ZNF723: variants seen among roughly 807,000 people sequenced by gnomAD.
ZNF723 encodes the protein zinc finger protein 723, pseudogene.
In ZNF723, 5 loss-of-function variants were observed where a neutral mutation model predicts 9.4. The observed-to-expected ratio is 0.53, with a 90% CI of 0.28 to 1.12. ZNF723 has a LOEUF of 1.12. Ranked by LOEUF, ZNF723 falls within the 50% of genes most tolerant of loss-of-function variation. The pLI is 0.10. For missense variants in ZNF723, 450 were observed against 501.5 expected, an observed-to-expected ratio of 0.90 and a Z score of 0.98; for synonymous variants, 158 against 168.8, an observed-to-expected ratio of 0.94 and a Z score of 0.49.
intron 1 of ZNF723, among the ~76,000 whole-genome samples, chr19:22,834,983 G>A (rs1269720633): frequency 1.3e-5 from 2 of 152,052 alleles, no homozygotes; most frequent in East Asian, 3.9e-4. Flanking sequence ...AGCAGGGTGG[G>A]GTGGGAGAAT....
chr19:22,857,241 G>A lies in ZNF723; in HGVS notation c.350G>A (p.Cys117Tyr), dbSNP rs1355965965. ...GACAATTTACAATTAAGAAAAGGCT[G>A]TGAAAGTGTGGATGAGTGTAAGATG... ...GHDNLQLRKG[C>Y]ESVDECKMHK... is the part of the protein sequence containing the mutation. Residue 117 changes from cysteine (C) to tyrosine (Y), a missense_variant, in exon 4 of 4, where the codon TGT becomes TAT. Cys to Tyr is a radical substitution (Grantham distance 194). Around this residue, in one of 5 missense-constraint regions of ZNF723, gnomAD observed 143 missense variants for 101.3 expected, o/e 1.41. Transcript: ENST00000600766. The A allele has an allele frequency of 5.8e-6, 5 of 861,020 alleles. No homozygotes were observed. The highest frequency in any genetic ancestry group is 9.9e-6 in the Non-Finnish European group (5 of 506,100). 53.3% of individuals were successfully genotyped at this position (861,020 alleles called of 1,614,324 possible).
rs1967491378 is a variant in ZNF723 at position 22,857,227 on chromosome 19, A to G, written c.336A>G (p.Gln112=). 2.3e-6 allele frequency: 2 copies of G among 879,520 alleles called. No homozygotes were observed. Among genetic ancestry groups the G allele is most frequent in the East Asian group, 2.4e-5 (1 of 41,720 alleles). The allele number at this position is 879,520 out of a possible 1,614,324, so 54.5% of individuals were successfully genotyped here. A position where few individuals can be genotyped will look rare whatever the true frequency, so the allele number is the denominator to read the frequency against. Residue 112 remains glutamine, a synonymous_variant, in exon 4 of 4, where the codon CAA becomes CAG. Transcript: ENST00000600766. The part of the protein sequence containing the change: ...SYGKYGHDNL[Q]LRKGCESVDE... ...GAAAATATGGACATGACAATTTACA[A>G]TTAAGAAAAGGCTGTGAAAGTGTGG...
chr19:22,817,382 C>A, the ZNF723 span, among the ~76,000 whole-genome samples: 1 of 152,124 alleles, frequency 6.6e-6, no homozygotes, highest in Non-Finnish European at 1.5e-5. Flanking sequence ...CCTACAGCAG[C>A]CCTTGTGACA....
intron 1 of ZNF723, among the ~76,000 whole-genome samples, chr19:22,842,643 T>C (rs1967262889): frequency 6.6e-6 from 1 of 152,194 alleles, no homozygotes; most frequent in South Asian, 2.1e-4. Context: ...CATGTTGCCT[T>C]AGCTTTTTTT....
Position 22,851,588 on chromosome 19 carries a change from A to G in ZNF723, c.226+2295A>G, listed in dbSNP as rs76148540. On this transcript the variant is annotated intron_variant, in intron 3 of 3. Transcript: ENST00000600766. ...ACTGTATTGCTCAGACTAATCTTGA[A>G]CTCCTGGTCTCAAGTGATCTGACTG... is the stretch of plus-strand genomic sequence containing the variant. 5.3e-3 allele frequency among the ~76,000 whole-genome samples: 798 copies of G among 151,244 alleles called. 9 individuals are homozygous for G. Among genetic ancestry groups the G allele is most frequent in the African/African-American group, 0.018 (744 of 41,180 alleles).
At chr19:22,829,640 A>C (rs367938832), upstream of ZNF723, among the ~76,000 whole-genome samples, 56 of 152,370 alleles carry the variant, frequency 3.7e-4, no homozygotes, top group African/African-American at 1.3e-3. Flanking sequence ...GTTTTGATAT[A>C]TCTCTCAAAA....
the ZNF723 span, among the ~76,000 whole-genome samples, chr19:22,812,265 C>G: frequency 1.3e-5 from 2 of 152,140 alleles, no homozygotes; most frequent in South Asian, 2.1e-4. Context: ...GCCACCTCAC[C>G]CGGCCAACAT....
intron 1 of ZNF723, among the ~76,000 whole-genome samples, chr19:22,838,557 G>A (rs12981846): frequency 0.22 from 33,317 of 149,366 alleles, 4,579 homozygotes; most frequent in African/African-American, 0.4. Flanking sequence ...GTCTCAAAAA[G>A]AAAAAAAAAG....
the ZNF723 span, among the ~76,000 whole-genome samples, chr19:22,817,855 G>A: frequency 4.6e-5 from 7 of 151,958 alleles, no homozygotes; most frequent in Middle Eastern, 3.5e-3. Flanking sequence ...GCCTTTGGGT[G>A]GCATACAGTG....
At chr19:22,815,615 G>A in the ZNF723 span, among the ~76,000 whole-genome samples, 1 of 152,246 alleles carries the variant, frequency 6.6e-6, no homozygotes, top group South Asian at 2.1e-4. Flanking sequence ...AGGTAGAATT[G>A]TGACATATAT....
At chr19:22,854,438 A>T (rs2145230498) in intron 3 of ZNF723, among the ~76,000 whole-genome samples, 1 of 152,208 alleles carries the variant, frequency 6.6e-6, no homozygotes, top group Non-Finnish European at 1.5e-5. Flanking sequence ...GGGTTTTAAG[A>T]TTTTTTAAAT....
chr19:22,833,953 G>A (rs1967132183), intron 1 of ZNF723, among the ~76,000 whole-genome samples: 1 of 112,120 alleles, frequency 8.9e-6, no homozygotes, highest in African/African-American at 3.8e-5. Context: ...TTTTTTCCGA[G>A]TCTCCTTCTG....
chr19:22,821,202 T>C, the ZNF723 span, among the ~76,000 whole-genome samples: 3 of 152,174 alleles, frequency 2.0e-5, no homozygotes, highest in Non-Finnish European at 2.9e-5. Flanking sequence ...GAATTTTGAA[T>C]CTCATTTCTG....
intron 1 of ZNF723, among the ~76,000 whole-genome samples, chr19:22,833,417 C>T (rs896072481): frequency 1.3e-5 from 2 of 152,070 alleles, no homozygotes; most frequent in East Asian, 3.9e-4. Context: ...TCCCAAAGTG[C>T]TGGGAGTACA....
Position 22,851,632 on chromosome 19 carries a change from A to G in ZNF723, c.226+2339A>G, listed in dbSNP as rs80025467. ...CTGACTGTCTTTGCCTCCTAATGCT[A>G]TCGGATTACAGGCATGAGCCACTGT... On this transcript the variant is annotated intron_variant, in intron 3 of 3. Transcript: ENST00000600766. Among the ~76,000 whole-genome samples, 1,100 of 152,226 alleles carry G rather than the reference A, an allele frequency of 7.2e-3. 15 individuals are homozygous for G. The highest frequency in any genetic ancestry group is 0.025 in the African/African-American group (1,058 of 41,550).
At chr19:22,854,073 C>A (rs936302071) in intron 3 of ZNF723, among the ~76,000 whole-genome samples, 1 of 151,972 alleles carries the variant, frequency 6.6e-6, no homozygotes, top group African/African-American at 2.4e-5. Flanking sequence ...TTAAAATATC[C>A]TACTATAATT....
chr19:22,829,289 C>CT (rs138454881), upstream of ZNF723, among the ~76,000 whole-genome samples: 94 of 142,490 alleles, frequency 6.6e-4, no homozygotes, highest in South Asian at 1.3e-3. Flanking sequence ...CGTAAGTACT[C>CT]TTTTTTTTTT....
intron 2 of ZNF723, 144 bp downstream of exon 2, chr19:22,848,531 T>C (rs1001446678): frequency 2.9e-6 from 2 of 700,418 alleles, no homozygotes; most frequent in Non-Finnish European, 4.6e-6. Context: ...TTTGTCAGTG[T>C]AGAAAAGAAT....
the ZNF723 span, among the ~76,000 whole-genome samples, chr19:22,813,862 A>C: frequency 6.7e-6 from 1 of 148,996 alleles, no homozygotes; most frequent in Admixed American, 6.7e-5. Context: ...CTCATGCTGG[A>C]GTGCAGTGGC....
Sources: allele counts gnomAD v4.1 joint callset (sites outside exome capture counted in the v4.1 genomes callset), GRCh38; gene constraint gnomAD v4.1.1; regional missense constraint gnomAD v4.1.1; transcripts MANE v1.5; gene names NCBI Gene and HGNC (gene_info 2026-07-23, HGNC 2026-07-21).